STAB2: variants seen among roughly 807,000 people sequenced by gnomAD.
STAB2 encodes stabilin 2, also known as stabilin-2.
Under a neutral mutation model 338.1 loss-of-function variants are expected in STAB2, and 288 were observed. That is an observed-to-expected ratio of 0.85 (90% CI 0.77 to 0.94). STAB2 has a LOEUF of 0.94. STAB2 is among the 40% of genes least tolerant of loss of function. The pLI, the probability that STAB2 is intolerant of heterozygous loss-of-function variation, is 0.00. For missense variants in STAB2, 3,141 were observed against 3,210.1 expected (o/e 0.98, Z 0.52); for synonymous variants, 1,202 against 1,193.3 (o/e 1.01, Z -0.15).
chr12:103,717,941 G>A, intron 44 of STAB2, 100 bp downstream of exon 44: 1 of 1,163,472 alleles, frequency 8.6e-7, no homozygotes, highest in South Asian at 1.3e-5. Flanking sequence ...TCTTCCTCTG[G>A]AGGCCTCAGA....
In STAB2 at chr12:103,657,102, C is replaced by T. The variant is rs148839464; in HGVS notation, c.1734+1521C>T. ...GTTTCCATAGAAAAAGTCAGATTTC[C>T]CAGGGTCTTCCAAAATAGAATGATA... On this transcript the variant is annotated intron_variant, in intron 15 of 68. Coordinates refer to ENST00000388887, the MANE Select transcript of STAB2 (RefSeq NM_017564.10). Among the ~76,000 whole-genome samples, 970 of 152,012 alleles carry T rather than the reference C, an allele frequency of 6.4e-3. 9 individuals are homozygous for T. Among genetic ancestry groups the T allele is most frequent in the African/African-American group, 0.022 (922 of 41,474 alleles).
intron 44 of STAB2, among the ~76,000 whole-genome samples, chr12:103,724,006 G>A (rs536824900): frequency 1.1e-4 from 16 of 152,264 alleles, no homozygotes; most frequent in African/African-American, 3.9e-4. Flanking sequence ...TGGGGACAGG[G>A]GTGGTAGAGG....
chr12:103,651,477 C>A (rs1873738464), intron 11 of STAB2, among the ~76,000 whole-genome samples: 1 of 151,726 alleles, frequency 6.6e-6, no homozygotes, highest in South Asian at 2.1e-4. Flanking sequence ...CCATGCCCAG[C>A]TAATGTTGAT....
chr12:103,683,677 AAC>A (rs1479801839), intron 26 of STAB2, among the ~76,000 whole-genome samples: 1 of 152,214 alleles, frequency 6.6e-6, no homozygotes, highest in Non-Finnish European at 1.5e-5. Flanking sequence ...CCTCTAAACC[AAC>A]AGTTTAAAGG....
chr12:103,756,977 G>A (rs574777772), intron 63 of STAB2, among the ~76,000 whole-genome samples: 10 of 116,690 alleles, frequency 8.6e-5, no homozygotes, highest in African/African-American at 2.6e-4. Flanking sequence ...CTGGGCCTCA[G>A]TAGCCCAGAA....
intron 61 of STAB2, chr12:103,755,040 C>T (rs563285019): frequency 2.3e-6 from 1 of 432,946 alleles, no homozygotes. Context: ...ACAGCAAATT[C>T]TTTCTCAAGA....
At chr12:103,609,582 T>G (rs1957088429) in intron 3 of STAB2, among the ~76,000 whole-genome samples, 1 of 152,102 alleles carries the variant, frequency 6.6e-6, no homozygotes, top group Admixed American at 6.5e-5. Flanking sequence ...TTAAGGAGAT[T>G]TTGGGCTGAG....
Position 103,652,587 on chromosome 12 carries a change from C to A in STAB2, c.1289C>A (p.Ala430Asp). Residue 430 changes from alanine to aspartate, a missense_variant, in exon 12 of 69, where the codon GCT becomes GAT. Ala to Asp is a moderately radical substitution (Grantham distance 126). Coordinates refer to ENST00000388887, the MANE Select transcript of STAB2 (RefSeq NM_017564.10). ...GAGCTTTTGGTGGATAATAAAGCTG[C>A]TCAATACTTTGTGAAACTCCACATA... ...VNELLVDNKA[A>D]QYFVKLHIIA... 1 of 1,606,098 alleles carries A rather than the reference C, an allele frequency of 6.2e-7. No homozygotes were observed. Among genetic ancestry groups the A allele is most frequent in the South Asian group, 1.1e-5 (1 of 88,196 alleles).
At chr12:103,705,328 A>G (rs1879248296) in intron 36 of STAB2, among the ~76,000 whole-genome samples, 1 of 152,226 alleles carries the variant, frequency 6.6e-6, no homozygotes, top group African/African-American at 2.4e-5. Context: ...CGGTGCTGGA[A>G]GGACATTTTT....
At chr12:103,594,274 T>C (rs1956842185) in intron 2 of STAB2, 121 bp from the exon 3 acceptor site, 1 of 701,200 alleles carries the variant, frequency 1.4e-6, no homozygotes, top group South Asian at 2.0e-5. Flanking sequence ...ATGTGTTCCA[T>C]CTAGATATTT....
At chr12:103,594,765 T>C (rs1956851485) in intron 3 of STAB2, among the ~76,000 whole-genome samples, 1 of 152,182 alleles carries the variant, frequency 6.6e-6, no homozygotes, top group African/African-American at 2.4e-5. Flanking sequence ...AGGATACCCA[T>C]TTTTATTTTA....
chr12:103,736,716 G>C (rs933659819), intron 52 of STAB2, among the ~76,000 whole-genome samples: 1 of 152,038 alleles, frequency 6.6e-6, no homozygotes, highest in African/African-American at 2.4e-5. Flanking sequence ...CCTCAGAGAG[G>C]TTCAGTGACT....
intron 3 of STAB2, among the ~76,000 whole-genome samples, chr12:103,613,647 TG>T (rs1374039773): frequency 6.6e-6 from 1 of 152,014 alleles, no homozygotes. Flanking sequence ...GGCGAGGCAA[TG>T]CCTCGCCCTG....
rs560321474 is a variant in STAB2, at chr12:103,706,692, A to T, written c.3997-100A>T. On this transcript the variant is annotated intron_variant, in intron 37 of 68. Transcript: ENST00000388887. ...ACCCACTCCATGTGAGGTCGAAGAA[A>T]CAGGTGCACAAGAAGTCACCCACAG... 3.9e-5 allele frequency: 59 copies of T among 1,498,218 alleles called. No homozygotes were observed. The Admixed American group carries it at 7.0e-4, about 18-fold the overall frequency. The allele number at this position is 1,498,218 out of a possible 1,614,324, so 92.8% of individuals were successfully genotyped here.
intron 6 of STAB2, among the ~76,000 whole-genome samples, chr12:103,632,228 C>G (rs1471864384): frequency 6.6e-6 from 1 of 152,180 alleles, no homozygotes; most frequent in Non-Finnish European, 1.5e-5. Flanking sequence ...CAATCAAGAG[C>G]TGGAAACCAA....
intron 3 of STAB2, among the ~76,000 whole-genome samples, chr12:103,595,858 A>G (rs1956867217): frequency 6.6e-6 from 1 of 152,166 alleles, no homozygotes; most frequent in Admixed American, 6.5e-5. Context: ...CCTGTTCAAA[A>G]AGCAGGGCCT....
chr12:103,613,538 G>A (rs1474590247), intron 3 of STAB2, among the ~76,000 whole-genome samples: 1 of 152,178 alleles, frequency 6.6e-6, no homozygotes, highest in African/African-American at 2.4e-5. Context: ...CACTGGAAAA[G>A]CGCAGTATCA....
intron 44 of STAB2, 46 bp downstream of exon 44, chr12:103,717,887 G>C (rs1049698284): frequency 3.7e-6 from 6 of 1,604,906 alleles, no homozygotes; most frequent in Non-Finnish European, 5.1e-6. Context: ...TCAGAGCCCA[G>C]GGTGCCTCCC....
chr12:103,639,088 C>T (rs918554065), intron 8 of STAB2, among the ~76,000 whole-genome samples: 2 of 152,136 alleles, frequency 1.3e-5, no homozygotes, highest in African/African-American at 2.4e-5. Context: ...ATTCAAGGGG[C>T]TAAATTCCCA....
Sources: gnomAD v4.1 joint callset for allele counts (sites outside exome capture counted in the v4.1 genomes callset) on GRCh38, gnomAD v4.1.1 for gene constraint, MANE v1.5 for transcripts, NCBI Gene and HGNC (gene_info 2026-07-23, HGNC 2026-07-21) for gene names.